PTPRN2: variants seen among roughly 807,000 people sequenced by gnomAD.
PTPRN2 encodes the protein receptor-type tyrosine-protein phosphatase N2.
Under a neutral mutation model 118.8 loss-of-function variants are expected in PTPRN2, and 74 were observed. The observed-to-expected ratio is 0.62, with a 90% CI of 0.52 to 0.76. The LOEUF (loss-of-function observed/expected upper bound fraction) is 0.76. PTPRN2 is among the 30% of genes least tolerant of loss of function. The pLI is 0.00. For synonymous variants in PTPRN2, 641 were observed against 608.0 expected (o/e 1.05, Z -0.80); for missense variants, 1,481 against 1,394.4 (o/e 1.06, Z -0.99).
At chr7:158,279,160 C>T (rs549689482) in intron 3 of PTPRN2, among the ~76,000 whole-genome samples, 2 of 152,346 alleles carry the variant, frequency 1.3e-5, no homozygotes, top group South Asian at 4.1e-4. Context: ...TCTGGCCGCA[C>T]CTACATCCTG....
Position 157,784,904 on chromosome 7 carries a change from T to C in PTPRN2, c.1789-101967A>G, listed in dbSNP as rs1803928117. Among the ~76,000 whole-genome samples, 1 of 151,812 alleles carries C rather than the reference T, an allele frequency of 6.6e-6. No homozygotes were observed. The highest frequency in any genetic ancestry group is 2.1e-4 in the South Asian group (1 of 4,802). The stretch of plus-strand genomic sequence containing the variant: ...ACTTGTTCAAATGGGTGGGCAGCTG[T>C]TTCTCTGAGGAAACGCGCCCCTCCC... On this transcript the variant is annotated intron_variant, in intron 12 of 22. Transcript: ENST00000389418. This position sits in a 1 kb window ranked among gnomAD's most constrained non-coding sequence, Gnocchi z 4.6.
At chr7:158,346,733 C>A (rs1172621041) in intron 2 of PTPRN2, among the ~76,000 whole-genome samples, 1 of 152,172 alleles carries the variant, frequency 6.6e-6, no homozygotes, top group Admixed American at 6.5e-5. Context: ...CAATAGTGCA[C>A]AAGATTTCCC....
intron 9 of PTPRN2, among the ~76,000 whole-genome samples, chr7:158,133,408 A>T (rs1563484461): frequency 1.3e-5 from 2 of 152,188 alleles, no homozygotes; most frequent in Non-Finnish European, 2.9e-5. Context: ...AAACCCAGGA[A>T]GGGATTTGCT....
chr7:158,069,119 C>A (rs1811011132), intron 11 of PTPRN2, among the ~76,000 whole-genome samples: 1 of 152,184 alleles, frequency 6.6e-6, no homozygotes, highest in Admixed American at 6.5e-5. Flanking sequence ...GAGGAGTGAG[C>A]AGCACTGCAA....
chr7:158,319,513 A>G (rs28469273), intron 2 of PTPRN2, among the ~76,000 whole-genome samples: 1 of 71,616 alleles, frequency 1.4e-5, no homozygotes, highest in Non-Finnish European at 2.6e-5. Flanking sequence ...CTCCCCCCAC[A>G]CACACAGCCT....
chr7:158,211,574 C>T (rs2150765375), intron 3 of PTPRN2, among the ~76,000 whole-genome samples: 1 of 152,244 alleles, frequency 6.6e-6, no homozygotes, highest in Middle Eastern at 3.4e-3. Context: ...ATAGACATTT[C>T]TCAAAAAAGA....
intron 12 of PTPRN2, among the ~76,000 whole-genome samples, chr7:157,851,223 C>T (rs1177795952): frequency 6.6e-6 from 1 of 152,218 alleles, no homozygotes; most frequent in Non-Finnish European, 1.5e-5. Flanking sequence ...GTTCCTGCCT[C>T]CTATAGAGTG....
intron 11 of PTPRN2, among the ~76,000 whole-genome samples, chr7:157,956,413 C>A (rs900644597): frequency 6.6e-6 from 1 of 152,156 alleles, no homozygotes; most frequent in Non-Finnish European, 1.5e-5. Context: ...CGAGCCAGTC[C>A]CAGTCTGTGA....
rs148882844 is a variant in PTPRN2 at position 158,272,253 on chromosome 7, C to G, written c.277+44566G>C. 8.6e-3 allele frequency among the ~76,000 whole-genome samples: 1,310 copies of G among 152,292 alleles called. 13 individuals are homozygous for G. Among genetic ancestry groups the G allele is most frequent in the African/African-American group, 0.03 (1,241 of 41,554 alleles). The stretch of plus-strand genomic sequence containing the variant: ...CCCGGGACGTCTTGTCTTCGGAGAG[C>G]CGCGTCTCCGGGGCCCGGGCAGGCC... On this transcript the variant is annotated intron_variant, in intron 3 of 22. Transcript: ENST00000389418.
chr7:158,249,751 C>T (rs898694418), intron 3 of PTPRN2, among the ~76,000 whole-genome samples: 2 of 152,220 alleles, frequency 1.3e-5, no homozygotes, highest in African/African-American at 2.4e-5. Flanking sequence ...TTTATCTCAG[C>T]GGTCAGATGC....
At chr7:157,945,553 C>T (rs947575358) in intron 11 of PTPRN2, among the ~76,000 whole-genome samples, 3 of 152,122 alleles carry the variant, frequency 2.0e-5, no homozygotes, top group Non-Finnish European at 2.9e-5. Flanking sequence ...CGGACAATGG[C>T]GCCTCCAACT....
intron 2 of PTPRN2, among the ~76,000 whole-genome samples, chr7:158,374,449 C>T (rs1221357149): frequency 1.3e-5 from 2 of 152,102 alleles, no homozygotes; most frequent in Non-Finnish European, 2.9e-5. Flanking sequence ...ATCAACAGCG[C>T]AGAAACTCCA....
At chr7:158,468,949 C>G (rs111668904) in intron 2 of PTPRN2, among the ~76,000 whole-genome samples, 1 of 84,600 alleles carries the variant, frequency 1.2e-5, no homozygotes, top group African/African-American at 4.5e-5. Flanking sequence ...GTAGGCACAC[C>G]CACACACACT....
chr7:157,865,793 G>C (rs1810621312), intron 12 of PTPRN2: 1 of 152,248 alleles, frequency 6.6e-6, no homozygotes, highest in African/African-American at 2.4e-5. Flanking sequence ...CCCAGGTCCT[G>C]ATGTTACTTG....
intron 1 of PTPRN2, among the ~76,000 whole-genome samples, chr7:158,587,133 G>A (rs1197157966): frequency 1.5e-5 from 2 of 136,038 alleles, no homozygotes; most frequent in African/African-American, 5.7e-5. Context: ...CTCACTCACT[G>A]AGGCACCCCT....
chr7:157,546,359 C>A (rs1401959838), intron 22 of PTPRN2, among the ~76,000 whole-genome samples: 37 of 152,168 alleles, frequency 2.4e-4, no homozygotes, highest in Admixed American at 2.0e-3. Context: ...TGGTGGTTTG[C>A]CGCACCCATG....
intron 2 of PTPRN2, among the ~76,000 whole-genome samples, chr7:158,330,670 G>GGTGAC (rs1804183696): frequency 9.5e-6 from 1 of 105,202 alleles, no homozygotes; most frequent in Non-Finnish European, 2.1e-5. Flanking sequence ...CTCACAATAA[G>GGTGAC]AGCTGAGGCA....
intron 17 of PTPRN2, among the ~76,000 whole-genome samples, chr7:157,593,540 G>A (rs1298664394): frequency 2.6e-5 from 4 of 152,240 alleles, no homozygotes; most frequent in African/African-American, 9.6e-5. Flanking sequence ...AACTCCAGTG[G>A]TATTAGGACT....
In PTPRN2 at chr7:158,509,228, G is replaced by T. The variant is rs1823004995; in HGVS notation, c.113-19443C>A. 6.6e-6 allele frequency among the ~76,000 whole-genome samples: 1 copy of T among 152,178 alleles called. No homozygotes were observed. Among genetic ancestry groups the T allele is most frequent in the East Asian group, 1.9e-4 (1 of 5,192 alleles). On this transcript the variant is annotated intron_variant, in intron 1 of 22. Transcript: ENST00000389418. This position sits in a 1 kb window ranked among gnomAD's most constrained non-coding sequence, Gnocchi z 4.4. ...ACAGGCTGCAGCTCACAGGGTCCTT[G>T]CTCAAAGGCGGCAGCAAATGCACCA...
Sources: allele counts gnomAD v4.1 joint callset (sites outside exome capture counted in the v4.1 genomes callset), GRCh38; gene constraint gnomAD v4.1.1; non-coding constraint Gnocchi (gnomAD v3.1); transcripts MANE v1.5; gene names NCBI Gene and HGNC (gene_info 2026-07-23, HGNC 2026-07-21).